ADGRE2: variants seen among roughly 807,000 people sequenced by gnomAD.
The protein encoded by ADGRE2 is adhesion G protein-coupled receptor E2, also known as CD97 antigen.
Under a neutral mutation model 100.8 loss-of-function variants are expected in ADGRE2, and 83 were observed. That is an observed-to-expected ratio of 0.82 (90% CI 0.69 to 0.99). The LOEUF is 0.99. Among genes scored for constraint, ADGRE2 ranks in the 50% least tolerant of loss-of-function variants. The pLI is 0.00. For synonymous variants in ADGRE2, 355 were observed against 413.0 expected (o/e 0.86, Z 1.70); for missense variants, 814 against 1,035.7 (o/e 0.79, Z 2.94).
At chr19:14,752,656 T>C in intron 14 of ADGRE2, 130 bp from the exon 15 acceptor site, 1 of 1,145,554 alleles carries the variant, frequency 8.7e-7, no homozygotes, top group Non-Finnish European at 1.2e-6. Context: ...TTTGTGAAGA[T>C]GTCACCAATT....
At chr19:14,767,165 C>A in intron 5 of ADGRE2, 56 bp from the exon 6 acceptor site, 1 of 1,591,310 alleles carries the variant, frequency 6.3e-7, no homozygotes, top group South Asian at 1.1e-5. Context: ...GCTTTCGGGG[C>A]TGAGGGTCCG....
chr19:14,769,223 C>A (rs1568621029), intron 5 of ADGRE2, among the ~76,000 whole-genome samples: 1 of 152,074 alleles, frequency 6.6e-6, no homozygotes, highest in Non-Finnish European at 1.5e-5. Context: ...GACACCCCCC[C>A]CCCATCTTTA....
chr19:14,761,263 G>A (rs925989485), intron 11 of ADGRE2, among the ~76,000 whole-genome samples: 19 of 152,030 alleles, frequency 1.2e-4, no homozygotes, highest in Non-Finnish European at 5.9e-5. Context: ...ATAATTAGCC[G>A]GGCGTGGTGG....
In ADGRE2 at chr19:14,746,273, G is replaced by C. The variant is rs767953120; in HGVS notation, c.2142C>G (p.Leu714=). ...LVTLWILKNR[L]SSLNSEVSTL... ...TGGACACTTCACTATTGAGGGAGGAGAGTCTGTTTTTCAAAATCCAGAGAG... is the reference window on the plus strand; with the variant it reads ...TGGACACTTCACTATTGAGGGAGGACAGTCTGTTTTTCAAAATCCAGAGAG... Residue 714 remains leucine (L), a synonymous_variant, in exon 18 of 21, where the codon CTC becomes CTG. Transcript: ENST00000315576. The C allele has an allele frequency of 2.5e-6, 4 of 1,610,752 alleles. No homozygotes were observed. The highest frequency in any genetic ancestry group is 3.3e-5 in the Admixed American group (2 of 59,954).
intron 5 of ADGRE2, among the ~76,000 whole-genome samples, chr19:14,771,627 T>TATTTATTG (rs1555789556): frequency 7.4e-6 from 1 of 134,532 alleles, no homozygotes; most frequent in African/African-American, 3.2e-5. Flanking sequence ...ATTGCTTATT[T>TATTTATTG]ATTTATTTAT....
At chr19:14,743,845 C>T (rs2043002710) in intron 18 of ADGRE2, 61 bp from the exon 19 acceptor site, 1 of 1,512,316 alleles carries the variant, frequency 6.6e-7, no homozygotes, top group South Asian at 1.2e-5. Flanking sequence ...AAGGCTATTT[C>T]ATCTGTGCCC....
intron 11 of ADGRE2, among the ~76,000 whole-genome samples, chr19:14,758,155 A>G (rs1369527680): frequency 6.6e-6 from 1 of 152,222 alleles, no homozygotes; most frequent in Non-Finnish European, 1.5e-5. Flanking sequence ...CAACAAAAGA[A>G]AAATTAGATA....
In ADGRE2 at chr19:14,743,702, C is replaced by G; in HGVS notation, c.2266G>C (p.Ala756Pro). 6.2e-7 allele frequency: 1 copy of G among 1,614,162 alleles called. No homozygotes were observed. Among genetic ancestry groups the G allele is most frequent in the Non-Finnish European group, 8.5e-7 (1 of 1,180,018 alleles). The change falls in exon 19 of 21, where the codon GCC (alanine) becomes CCC (proline). Residue 756 changes from alanine to proline, a missense_variant. Physicochemically the swap from Ala to Pro is conservative, Grantham distance 27. Around this residue, in one of 5 missense-constraint regions of ADGRE2, gnomAD observed 569 missense variants for 692.7 expected, o/e 0.82. Coordinates refer to ENST00000315576, the MANE Select transcript of ADGRE2 (RefSeq NM_013447.4). Reference protein sequence around the residue: ...CLGILQVGPAARVMAYLFTII... With the variant: ...CLGILQVGPAPRVMAYLFTII... ...GTGAAGAGGTAGGCCATGACCCGGG[C>G]AGCCGGACCCACCTGCAAGATGCCC...
Position 14,752,533 on chromosome 19 carries a change from C to T in ADGRE2, c.1591-7G>A, listed in dbSNP as rs1186451667. ...TCAGCACGGGATCCTCCTCCTGGGACCCGGAAAAGAAGAGTTCACAGTGAT... is the reference window on the plus strand; with the variant it reads ...TCAGCACGGGATCCTCCTCCTGGGATCCGGAAAAGAAGAGTTCACAGTGAT... On this transcript the variant is annotated splice_region_variant and splice_polypyrimidine_tract_variant and intron_variant, in intron 14 of 20. Coordinates refer to ENST00000315576, the MANE Select transcript of ADGRE2 (RefSeq NM_013447.4). 6.2e-7 allele frequency: 1 copy of T among 1,613,480 alleles called. No individual in the cohort carries two copies. Among genetic ancestry groups the T allele is most frequent in the East Asian group, 2.2e-5 (1 of 44,870 alleles).
chr19:14,777,278 C>T (rs1182872098), intron 1 of ADGRE2, among the ~76,000 whole-genome samples: 1 of 152,206 alleles, frequency 6.6e-6, no homozygotes, highest in African/African-American at 2.4e-5. Context: ...CTTTGGCATG[C>T]CAGAGTTGGC....
intron 20 of ADGRE2, among the ~76,000 whole-genome samples, chr19:14,739,928 C>T (rs970440778): frequency 6.6e-6 from 1 of 152,076 alleles, no homozygotes; most frequent in Non-Finnish European, 1.5e-5. Context: ...TGGTGAAACC[C>T]TGTCTCTACT....
At chr19:14,765,474 T>A (rs2043923168) in intron 9 of ADGRE2, 50 bp downstream of exon 9, 3 of 1,612,684 alleles carry the variant, frequency 1.9e-6, no homozygotes, top group Non-Finnish European at 1.7e-6. Flanking sequence ...ACGGATGCAG[T>A]GCTGTGTGGA....
At position 14,776,928 on chromosome 19, in the gene ADGRE2, C is replaced by A. The variant is rs1449870898; in HGVS notation, c.-171-1G>T. On this transcript the variant is annotated splice_acceptor_variant, in intron 1 of 20. Coordinates refer to ENST00000315576, the MANE Select transcript of ADGRE2 (RefSeq NM_013447.4). LOFTEE classifies it low-confidence loss of function (5UTR_SPLICE). ...GCCCTCCCCGGAACTGGCGGTGCAG[C>A]TGGAAGCCAGCAGGAAAGCACAATA... 4.3e-5 allele frequency: 63 copies of A among 1,464,458 alleles called. No homozygotes were observed. The highest frequency in any genetic ancestry group is 1.0e-4 in the Admixed American group (4 of 38,606). 90.7% of individuals were successfully genotyped at this position (1,464,458 alleles called of 1,614,324 possible).
chr19:14,751,744 G>A, intron 15 of ADGRE2, 73 bp from the exon 16 acceptor site: 1 of 1,042,220 alleles, frequency 9.6e-7, no homozygotes, highest in South Asian at 1.4e-5. Context: ...CCTGTACCAT[G>A]TTGTTGGGGA....
intron 20 of ADGRE2, among the ~76,000 whole-genome samples, 174 bp from the exon 21 acceptor site, chr19:14,736,418 C>T (rs1244225130): frequency 6.6e-6 from 1 of 152,030 alleles, no homozygotes; most frequent in East Asian, 1.9e-4. Context: ...TGTGCCACCA[C>T]ACCCGGCTAA....
intron 10 of ADGRE2, 137 bp from the exon 11 acceptor site, chr19:14,764,747 G>T (rs968110993): frequency 3.4e-6 from 3 of 869,974 alleles, no homozygotes; most frequent in Admixed American, 2.9e-5. Flanking sequence ...GGCTGGGCGC[G>T]GTGGCTCACG....
downstream of ADGRE2, among the ~76,000 whole-genome samples, chr19:14,730,349 C>T (rs1329319157): frequency 5.3e-5 from 8 of 152,238 alleles, no homozygotes; most frequent in East Asian, 1.5e-3. Context: ...ACCACCGTGC[C>T]CGGCCACTGT....
intron 11 of ADGRE2, among the ~76,000 whole-genome samples, chr19:14,757,745 G>A (rs1303343228): frequency 1.3e-5 from 2 of 152,166 alleles, no homozygotes; most frequent in Non-Finnish European, 2.9e-5. Context: ...GCTAAAACTA[G>A]AACACTTAGG....
intron 16 of ADGRE2, among the ~76,000 whole-genome samples, chr19:14,750,848 C>T (rs976259669): frequency 2.0e-5 from 3 of 152,154 alleles, no homozygotes; most frequent in South Asian, 2.1e-4. Context: ...AGGTCTTTCT[C>T]TCTTGCTCAG....
Sources: allele counts gnomAD v4.1 joint callset (sites outside exome capture counted in the v4.1 genomes callset), GRCh38; gene constraint gnomAD v4.1.1; regional missense constraint gnomAD v4.1.1; transcripts MANE v1.5; gene names NCBI Gene and HGNC (gene_info 2026-07-23, HGNC 2026-07-21).